The following PDE3B variants were observed in gnomAD, a reference collection of about 807,000 sequenced individuals.
PDE3B encodes the protein phosphodiesterase 3B.
PDE3B carries 66 observed loss-of-function variants against 116.8 expected under a neutral mutation model. That is an observed-to-expected ratio of 0.56 (90% confidence interval 0.46 to 0.69). The LOEUF is 0.69. Among genes scored for constraint, PDE3B ranks in the 30% least tolerant of loss-of-function variants. The pLI, the probability that PDE3B is intolerant of heterozygous loss-of-function variation, is 0.00. For synonymous variants in PDE3B, 595 were observed against 533.6 expected, an observed-to-expected ratio of 1.12 and a Z score of -1.59; for missense variants, 1,384 against 1,368.1, an observed-to-expected ratio of 1.01 and a Z score of -0.18.
At chr11:14,838,914 T>C (rs769969224) in intron 11 of PDE3B, among the ~76,000 whole-genome samples, 1 of 152,200 alleles carries the variant, frequency 6.6e-6, no homozygotes, top group Non-Finnish European at 1.5e-5. Flanking sequence ...TTGAAACTCC[T>C]TGTATACTGT....
chr11:14,878,457 T>G, the PDE3B span, among the ~76,000 whole-genome samples: 2 of 152,128 alleles, frequency 1.3e-5, no homozygotes, highest in East Asian at 1.9e-4. Context: ...GAATAGAAAT[T>G]GACACTTCAG....
At chr11:14,686,854 CA>C (rs1009377089) in intron 1 of PDE3B, among the ~76,000 whole-genome samples, 3 of 152,064 alleles carry the variant, frequency 2.0e-5, no homozygotes, top group African/African-American at 7.2e-5. Flanking sequence ...GCTGGGACTA[CA>C]GGCGCCCGCC....
At chr11:14,847,489 T>C (rs987088608) in intron 12 of PDE3B, among the ~76,000 whole-genome samples, 5 of 150,252 alleles carry the variant, frequency 3.3e-5, no homozygotes, top group African/African-American at 1.2e-4. Flanking sequence ...ATAACTAAAA[T>C]CAGAGCAGAA....
intron 1 of PDE3B, among the ~76,000 whole-genome samples, chr11:14,724,007 G>A (rs1856204608): frequency 6.6e-6 from 1 of 152,104 alleles, no homozygotes; most frequent in Non-Finnish European, 1.5e-5. Context: ...TTTTCTTTTT[G>A]GAAATATCAT....
intron 1 of PDE3B, among the ~76,000 whole-genome samples, chr11:14,724,134 A>G (rs1231782718): frequency 6.6e-6 from 1 of 152,192 alleles, no homozygotes; most frequent in Non-Finnish European, 1.5e-5. Flanking sequence ...AAGTTTTTTC[A>G]GAAATGGAGA....
intron 5 of PDE3B, among the ~76,000 whole-genome samples, chr11:14,814,223 A>C (rs952636454): frequency 6.6e-6 from 1 of 152,188 alleles, no homozygotes; most frequent in African/African-American, 2.4e-5. Flanking sequence ...TTCACTGTAA[A>C]TACTTGTCTC....
chr11:14,894,266 T>C, the PDE3B span, among the ~76,000 whole-genome samples: 1 of 152,220 alleles, frequency 6.6e-6, no homozygotes, highest in Non-Finnish European at 1.5e-5. Flanking sequence ...TTACTAAATT[T>C]GGTCTCTAGT....
At chr11:14,792,327 G>A (rs1554994984) in intron 4 of PDE3B, among the ~76,000 whole-genome samples, 1 of 151,932 alleles carries the variant, frequency 6.6e-6, no homozygotes, top group African/African-American at 2.4e-5. Context: ...TTTGTTCTTG[G>A]TTTAACACCA....
At chr11:14,782,496 A>G (rs867323232) in intron 2 of PDE3B, among the ~76,000 whole-genome samples, 12 of 152,238 alleles carry the variant, frequency 7.9e-5, no homozygotes, top group Middle Eastern at 3.2e-3. Context: ...CCTGATAAAA[A>G]CAAGAAATAG....
intron 1 of PDE3B, among the ~76,000 whole-genome samples, chr11:14,753,330 A>G (rs1477345452): frequency 6.6e-6 from 1 of 152,190 alleles, no homozygotes; most frequent in Non-Finnish European, 1.5e-5. Context: ...AGAGATGGAG[A>G]TGTAAACAAA....
chr11:14,689,367 G>A (rs181147466), intron 1 of PDE3B, among the ~76,000 whole-genome samples: 67 of 152,220 alleles, frequency 4.4e-4, no homozygotes, highest in South Asian at 1.0e-3. Flanking sequence ...TAAGGCTAGA[G>A]TTATACTCTA....
intron 12 of PDE3B, among the ~76,000 whole-genome samples, chr11:14,848,085 C>G (rs1847652202): frequency 6.8e-6 from 1 of 147,418 alleles, no homozygotes; most frequent in Non-Finnish European, 1.5e-5. Flanking sequence ...TGCAAAAATC[C>G]TCAATAAAAT....
intron 1 of PDE3B, among the ~76,000 whole-genome samples, chr11:14,691,385 AT>A (rs1016778842): frequency 6.6e-6 from 1 of 152,154 alleles, no homozygotes; most frequent in East Asian, 1.9e-4. Flanking sequence ...ATCTTCCAGA[AT>A]TTTTTGACTT....
intron 1 of PDE3B, among the ~76,000 whole-genome samples, chr11:14,711,655 C>T (rs182419752): frequency 6.6e-6 from 1 of 152,272 alleles, no homozygotes; most frequent in African/African-American, 2.4e-5. Flanking sequence ...AGCACCAAGC[C>T]ATGAGGAACC....
chr11:14,895,993 C>T, the PDE3B span, among the ~76,000 whole-genome samples: 12 of 152,126 alleles, frequency 7.9e-5, no homozygotes, highest in Middle Eastern at 3.4e-3. Flanking sequence ...GGAAGTTTTA[C>T]AGAGAAACTT....
chr11:14,783,030 A>C (rs1198127272), intron 2 of PDE3B, among the ~76,000 whole-genome samples: 1 of 152,394 alleles, frequency 6.6e-6, no homozygotes, highest in African/African-American at 2.4e-5. Flanking sequence ...ACTGGCCATC[A>C]GAGAAATGCA....
At chr11:14,857,207 A>C (rs547384271) in intron 12 of PDE3B, among the ~76,000 whole-genome samples, 123 of 152,334 alleles carry the variant, frequency 8.1e-4, no homozygotes, top group African/African-American at 2.9e-3. Context: ...AGGTAACAAG[A>C]TGCTTTAGCA....
At chr11:14,834,546 A>G (rs1859994449) in intron 10 of PDE3B, among the ~76,000 whole-genome samples, 1 of 152,188 alleles carries the variant, frequency 6.6e-6, no homozygotes, top group Admixed American at 6.5e-5. Flanking sequence ...TTTAGTATTT[A>G]ATTCCTGTGG....
intron 1 of PDE3B, among the ~76,000 whole-genome samples, chr11:14,707,532 C>A (rs1481905328): frequency 6.6e-6 from 1 of 151,688 alleles, no homozygotes; most frequent in East Asian, 1.9e-4. Context: ...GGCAAAATAT[C>A]CTGGAAGATT....
Sources: gnomAD v4.1 joint callset for allele counts (sites outside exome capture counted in the v4.1 genomes callset) on GRCh38, gnomAD v4.1.1 for gene constraint, MANE v1.5 for transcripts, NCBI Gene and HGNC (gene_info 2026-07-23, HGNC 2026-07-21) for gene names.